Variants in IQGAP2 observed in about 807,000 individuals in gnomAD.
The protein encoded by IQGAP2 is ras GTPase-activating-like protein IQGAP2.
In IQGAP2, 173 loss-of-function variants were observed where a neutral mutation model predicts 201.3. The observed-to-expected ratio is 0.86, with a 90% CI of 0.76 to 0.98. The LOEUF is 0.98. Among genes scored for constraint, IQGAP2 ranks in the 50% least tolerant of loss-of-function variants. The probability of loss-of-function intolerance (pLI) is 0.00; values close to 1 mark genes in which losing one functional copy is unlikely to be tolerated. For synonymous variants in IQGAP2, 675 were observed against 673.9 expected (o/e 1.00, Z -0.03); for missense variants, 1,687 against 1,864.8 (o/e 0.90, Z 1.76).
At chr5:76,695,091 A>G (rs1441201574) in intron 31 of IQGAP2, among the ~76,000 whole-genome samples, 1 of 152,212 alleles carries the variant, frequency 6.6e-6, no homozygotes. Context: ...TCTCATAGCC[A>G]CATTTCAATA....
chr5:76,500,823 C>T (rs1269250714), intron 2 of IQGAP2, among the ~76,000 whole-genome samples: 1 of 152,100 alleles, frequency 6.6e-6, no homozygotes, highest in Non-Finnish European at 1.5e-5. Context: ...TTTCCGGTAC[C>T]GTGCCTTATA....
At chr5:76,574,656 TTTACCTATGTAAC>T (rs1745349782) in intron 4 of IQGAP2, among the ~76,000 whole-genome samples, 1 of 152,216 alleles carries the variant, frequency 6.6e-6, no homozygotes, top group South Asian at 2.1e-4. Context: ...GTGACACACA[TTTACCTATGTAAC>T]AAACCTTCAC....
intron 2 of IQGAP2, among the ~76,000 whole-genome samples, chr5:76,524,106 G>A (rs546721065): frequency 1.3e-5 from 2 of 152,314 alleles, no homozygotes; most frequent in East Asian, 3.9e-4. Flanking sequence ...TCTGTTAGGA[G>A]AAGGCCCCCC....
chr5:76,451,825 A>G (rs765343455), intron 1 of IQGAP2, among the ~76,000 whole-genome samples: 1 of 152,236 alleles, frequency 6.6e-6, no homozygotes, highest in Non-Finnish European at 1.5e-5. Context: ...ACTTGCGGCC[A>G]GGAGTTCAAA....
At chr5:76,518,483 T>A (rs1490406871) in intron 2 of IQGAP2, among the ~76,000 whole-genome samples, 3 of 152,144 alleles carry the variant, frequency 2.0e-5, no homozygotes, top group African/African-American at 7.2e-5. Context: ...ATGATTCAAT[T>A]ACCTCCAACC....
chr5:76,657,723 G>A (rs1206809873), intron 20 of IQGAP2, among the ~76,000 whole-genome samples: 2 of 152,162 alleles, frequency 1.3e-5, no homozygotes, highest in Non-Finnish European at 1.5e-5. Flanking sequence ...AAGAGTCAGA[G>A]TGCCAGGAAA....
At chr5:76,583,982 C>T (rs1746062808) in intron 5 of IQGAP2, among the ~76,000 whole-genome samples, 2 of 151,990 alleles carry the variant, frequency 1.3e-5, no homozygotes, top group African/African-American at 2.4e-5. Flanking sequence ...AAGCAATTCT[C>T]CTGCCTCAGC....
chr5:76,554,988 A>G (rs759595157), intron 2 of IQGAP2, among the ~76,000 whole-genome samples: 22 of 152,360 alleles, frequency 1.4e-4, no homozygotes, highest in Middle Eastern at 3.4e-3. Flanking sequence ...AAAGATATGA[A>G]GTCCAGATAC....
chr5:76,668,554 C>T (rs1021701782), intron 22 of IQGAP2, 127 bp from the exon 23 acceptor site: 3 of 702,868 alleles, frequency 4.3e-6, no homozygotes, highest in Non-Finnish European at 7.1e-6. Context: ...ATATACTCAT[C>T]TATATGCTTT....
At chr5:76,667,166 G>GA (rs575889842) in intron 22 of IQGAP2, among the ~76,000 whole-genome samples, 25,472 of 152,086 alleles carry the variant, frequency 0.17, 2,282 homozygotes, top group Non-Finnish European at 0.2. Context: ...ATGGTGAGTA[G>GA]GCATCTTTCT....
intron 1 of IQGAP2, among the ~76,000 whole-genome samples, chr5:76,405,060 G>A (rs1443149804): frequency 6.6e-6 from 1 of 152,276 alleles, no homozygotes; most frequent in Admixed American, 6.5e-5. Flanking sequence ...CAAATGATAA[G>A]ATAACCACAA....
At chr5:76,536,181 G>A (rs1759613553) in intron 2 of IQGAP2, among the ~76,000 whole-genome samples, 1 of 147,670 alleles carries the variant, frequency 6.8e-6, no homozygotes, top group African/African-American at 2.5e-5. Context: ...CGATTGTCCT[G>A]CCTCAGCCTC....
At chr5:76,627,988 A>G (rs1344996885) in intron 14 of IQGAP2, among the ~76,000 whole-genome samples, 3 of 152,318 alleles carry the variant, frequency 2.0e-5, no homozygotes, top group South Asian at 2.1e-4. Flanking sequence ...TGGGTCAAGC[A>G]AACAGAAGTC....
chr5:76,630,943 A>G (rs1750649757), intron 14 of IQGAP2, among the ~76,000 whole-genome samples: 1 of 152,076 alleles, frequency 6.6e-6, no homozygotes, highest in African/African-American at 2.4e-5. Context: ...TTCTCCTTTA[A>G]CCCTCATAGT....
chr5:76,477,851 T>C (rs1413430426), intron 2 of IQGAP2, among the ~76,000 whole-genome samples: 1 of 147,882 alleles, frequency 6.8e-6, no homozygotes. Flanking sequence ...TGTGTCTTAG[T>C]TTATAGCAAA....
intron 2 of IQGAP2, among the ~76,000 whole-genome samples, chr5:76,469,686 G>T (rs1755000573): frequency 6.6e-6 from 1 of 152,084 alleles, no homozygotes; most frequent in Admixed American, 6.5e-5. Flanking sequence ...TTACAGGCAT[G>T]AGCCACCGCT....
At chr5:76,423,319 G>A (rs561497102) in intron 1 of IQGAP2, among the ~76,000 whole-genome samples, 10 of 152,240 alleles carry the variant, frequency 6.6e-5, no homozygotes, top group Admixed American at 1.3e-4. Context: ...GCTGGTACCC[G>A]CTATTAAAAT....
chr5:76,640,950 C>T lies in IQGAP2; in HGVS notation c.1941C>T (p.Val647=), dbSNP rs1230036782. The change falls in exon 17 of 36, where the codon GTC becomes GTT. Residue 647 remains valine (V), a synonymous_variant. Transcript: ENST00000274364. ...CTTGCCAGGACATTATTGAGGAAGT[C>T]ACAGTAGGTTACATTCGTGAGAATA... ...GKEIEDIIEE[V]TVGYIRENIW... 3 of 1,589,128 alleles carry T rather than the reference C, an allele frequency of 1.9e-6. No homozygotes were observed. The highest frequency in any genetic ancestry group is 2.6e-6 in the Non-Finnish European group (3 of 1,160,980).
chr5:76,584,736 T>C (rs540468712), intron 5 of IQGAP2, among the ~76,000 whole-genome samples: 2 of 152,272 alleles, frequency 1.3e-5, no homozygotes, highest in South Asian at 4.1e-4. Context: ...TCTCTACAGC[T>C]TCTTAATGCT....
Sources: allele counts gnomAD v4.1 joint callset (sites outside exome capture counted in the v4.1 genomes callset), GRCh38; gene constraint gnomAD v4.1.1; transcripts MANE v1.5; gene names NCBI Gene and HGNC (gene_info 2026-07-23, HGNC 2026-07-21).